GC: variants seen among roughly 807,000 people sequenced by gnomAD.
The protein encoded by GC is vitamin D-binding protein.
Under a neutral mutation model 56.7 loss-of-function variants are expected in GC, and 43 were observed. The observed-to-expected ratio is 0.76, with a 90% CI of 0.59 to 0.98. GC has a LOEUF of 0.98. GC is among the 50% of genes least tolerant of loss of function. The probability of loss-of-function intolerance (pLI) is 0.00; values close to 1 mark genes in which losing one functional copy is unlikely to be tolerated. For synonymous variants in GC, 216 were observed against 202.7 expected, an observed-to-expected ratio of 1.07 and a Z score of -0.56; for missense variants, 529 against 545.9, an observed-to-expected ratio of 0.97 and a Z score of 0.31.
chr4:71,781,334 A>G (rs1187694259), intron 1 of GC, among the ~76,000 whole-genome samples: 1 of 151,990 alleles, frequency 6.6e-6, no homozygotes, highest in Non-Finnish European at 1.5e-5. Flanking sequence ...ATGTATACAT[A>G]TGTATCAAAC....
intron 12 of GC, among the ~76,000 whole-genome samples, chr4:71,742,647 C>G (rs2282680): frequency 6.6e-6 from 1 of 152,064 alleles, no homozygotes; most frequent in East Asian, 1.9e-4. Flanking sequence ...CCAAAGCTAA[C>G]AATAAAAAAT....
intron 11 of GC, among the ~76,000 whole-genome samples, 178 bp from the exon 12 acceptor site, chr4:71,746,383 T>G (rs1284269431): frequency 6.6e-6 from 1 of 151,616 alleles, no homozygotes; most frequent in Non-Finnish European, 1.5e-5. Flanking sequence ...TAGCTTTACA[T>G]CATCTCTGCC....
chr4:71,786,987 A>G (rs1267615661), upstream of GC, among the ~76,000 whole-genome samples: 1 of 151,910 alleles, frequency 6.6e-6, no homozygotes, highest in Non-Finnish European at 1.5e-5. Context: ...AGAGAAGAAC[A>G]GAACACAATC....
At chr4:71,782,305 C>T (rs927027221) in intron 1 of GC, among the ~76,000 whole-genome samples, 19 of 151,702 alleles carry the variant, frequency 1.3e-4, no homozygotes, top group African/African-American at 4.6e-4. Context: ...AACTTCCTGC[C>T]AGGAAGAACA....
In GC at chr4:71,746,154, A is replaced by T; in HGVS notation, c.*22T>A. ...TGCATTTATAAAATATACTTACCAA[A>T]GTTAATAAACATGCTTCAGGACTAC... On this transcript the variant is annotated 3_prime_UTR_variant, in exon 12 of 13. Transcript: ENST00000273951. 1 of 1,180,098 alleles carries T rather than the reference A, an allele frequency of 8.5e-7. No individual in the cohort carries two copies. Among genetic ancestry groups the T allele is most frequent in the Non-Finnish European group, 1.3e-6 (1 of 790,662 alleles). The allele number at this position is 1,180,098 out of a possible 1,614,324, so 73.1% of individuals were successfully genotyped here. A position where few individuals can be genotyped will look rare whatever the true frequency, so the allele number is the denominator to read the frequency against.
chr4:71,801,434 C>T (rs1004099039), intron 1 of GC, among the ~76,000 whole-genome samples: 4 of 152,194 alleles, frequency 2.6e-5, no homozygotes, highest in Admixed American at 1.3e-4. Context: ...TCTGCCTCCT[C>T]GGCTCAGTGG....
intron 1 of GC, among the ~76,000 whole-genome samples, chr4:71,773,034 T>C (rs1396471853): frequency 1.3e-5 from 2 of 152,122 alleles, no homozygotes; most frequent in African/African-American, 4.8e-5. Context: ...ATAAATGTTT[T>C]TGGTGTAAAA....
At chr4:71,756,481 C>T (rs1239978333) in intron 8 of GC, among the ~76,000 whole-genome samples, 1 of 152,194 alleles carries the variant, frequency 6.6e-6, no homozygotes, top group African/African-American at 2.4e-5. Context: ...GAACTCTAAG[C>T]TCCTTTCTCA....
intron 7 of GC, 86 bp downstream of exon 7, chr4:71,757,956 A>T: frequency 9.2e-7 from 1 of 1,090,878 alleles, no homozygotes; most frequent in Non-Finnish European, 1.3e-6. Flanking sequence ...ATGCATATGA[A>T]ATAGAACTTA....
intron 9 of GC, 92 bp downstream of exon 9, chr4:71,754,886 A>C (rs922506065): frequency 4.6e-5 from 36 of 789,722 alleles, no homozygotes; most frequent in Non-Finnish European, 5.8e-5. Flanking sequence ...GTAGGCCATA[A>C]AAAAGTAGGC....
In GC at chr4:71,802,623, G is replaced by A. The variant is rs111602193; in HGVS notation, c.21+1303C>T. 1.7e-4 allele frequency among the ~76,000 whole-genome samples: 26 copies of A among 152,268 alleles called. 2 individuals carry two copies. The highest frequency in any genetic ancestry group is 6.3e-4 in the African/African-American group (26 of 41,578). On this transcript the variant is annotated intron_variant, in intron 1 of 13. Coordinates refer to the GC transcript ENST00000504199. Reference sequence around the variant, plus strand: ...CCTAAAGTTGAAAAGTCATTAAGTTGAACCACTGCAGTTAGGAACCACTTG... The same window carrying A: ...CCTAAAGTTGAAAAGTCATTAAGTTAAACCACTGCAGTTAGGAACCACTTG...
chr4:71,798,993 A>C (rs1743181639), intron 1 of GC, among the ~76,000 whole-genome samples: 1 of 152,220 alleles, frequency 6.6e-6, no homozygotes, highest in African/African-American at 2.4e-5. Flanking sequence ...GTGTATTTGC[A>C]GATTTGGGAA....
rs1030913474 is a variant in GC, at chr4:71,765,706, A to G, written c.262-63T>C. Reference sequence around the variant, plus strand: ...TAAATTTCCAGGCTTTTAGACTTCCATTTAATATAATATCTTAGCCTATAA... The same window carrying G: ...TAAATTTCCAGGCTTTTAGACTTCCGTTTAATATAATATCTTAGCCTATAA... On this transcript the variant is annotated intron_variant, in intron 3 of 12. Coordinates refer to ENST00000273951, the MANE Select transcript of GC (RefSeq NM_000583.4). 63 of 954,176 alleles carry G rather than the reference A, an allele frequency of 6.6e-5. No individual in the cohort carries two copies. In the African/African-American group the frequency reaches 8.2e-4, roughly 12 times the overall value. The allele number at this position is 954,176 out of a possible 1,614,324, so 59.1% of individuals were successfully genotyped here. A position where few individuals can be genotyped will look rare whatever the true frequency, so the allele number is the denominator to read the frequency against.
chr4:71,790,546 A>G (rs1259335857), intron 1 of GC, among the ~76,000 whole-genome samples: 1 of 151,506 alleles, frequency 6.6e-6, no homozygotes, highest in Non-Finnish European at 1.5e-5. Flanking sequence ...TTTGCTTTCT[A>G]CTTTTTTCTT....
chr4:71,762,859 C>A (rs1184126702), intron 6 of GC, among the ~76,000 whole-genome samples: 1 of 152,198 alleles, frequency 6.6e-6, no homozygotes, highest in Non-Finnish European at 1.5e-5. Context: ...TCCAATTAAA[C>A]CTCTTGCTTT....
chr4:71,796,698 T>C (rs1255964605), intron 1 of GC, among the ~76,000 whole-genome samples: 2 of 152,220 alleles, frequency 1.3e-5, no homozygotes, highest in Non-Finnish European at 2.9e-5. Context: ...ATCCAACTTT[T>C]TTCCGTTGCT....
rs759432200 is a variant in GC, at chr4:71,756,750, T to C, written c.996A>G (p.Lys332=). ...ELPDVELPTN[K]DVCDPGNTKV... Reference sequence around the variant, plus strand: ...TGGTGTTTCCTGGATCACACACATCTTTGTTTGTGGGCAACTCTACATCTG... The same window carrying C: ...TGGTGTTTCCTGGATCACACACATCCTTGTTTGTGGGCAACTCTACATCTG... The change falls in exon 8 of 13, where the codon AAA becomes AAG. Residue 332 remains lysine (K), a synonymous_variant. Transcript: ENST00000273951. 1 of 1,613,800 alleles carries C rather than the reference T, an allele frequency of 6.2e-7. No homozygotes were observed. The highest frequency in any genetic ancestry group is 1.1e-5 in the South Asian group (1 of 91,086).
At chr4:71,801,736 A>T (rs1578328856) in intron 1 of GC, among the ~76,000 whole-genome samples, 1 of 151,782 alleles carries the variant, frequency 6.6e-6, no homozygotes, top group African/African-American at 2.4e-5. Flanking sequence ...AATAATAATA[A>T]TGAAGCAATT....
chr4:71,748,722 A>G (rs564767836), intron 11 of GC, among the ~76,000 whole-genome samples: 12 of 152,226 alleles, frequency 7.9e-5, no homozygotes, highest in Middle Eastern at 3.4e-3. Flanking sequence ...TGATTGTTCT[A>G]TTTCCTGGTC....
Sources: gnomAD v4.1 joint callset for allele counts (sites outside exome capture counted in the v4.1 genomes callset) on GRCh38, gnomAD v4.1.1 for gene constraint, MANE v1.5 for transcripts, NCBI Gene and HGNC (gene_info 2026-07-23, HGNC 2026-07-21) for gene names.